ARID3C: variants seen among roughly 807,000 people sequenced by gnomAD.
ARID3C encodes the protein AT-rich interaction domain 3C, also known as AT-rich interactive domain-containing protein 3C.
Under a neutral mutation model 37.9 loss-of-function variants are expected in ARID3C, and 42 were observed. The observed-to-expected ratio is 1.11, with a 90% confidence interval of 0.87 to 1.43. The LOEUF (loss-of-function observed/expected upper bound fraction) is 1.43, where lower values mean the gene tolerates loss of function less well. ARID3C is among the 40% of genes most tolerant of loss of function. The pLI, the probability that ARID3C is intolerant of heterozygous loss-of-function variation, is 0.00. For missense variants in ARID3C, 581 were observed against 548.8 expected, an observed-to-expected ratio of 1.06 and a Z score of -0.59; for synonymous variants, 213 against 228.0, an observed-to-expected ratio of 0.93 and a Z score of 0.59.
At chr9:34,630,936 G>A (rs1377013006), upstream of ARID3C, among the ~76,000 whole-genome samples, 2 of 152,138 alleles carry the variant, frequency 1.3e-5, no homozygotes, top group African/African-American at 4.8e-5. Flanking sequence ...TTTGGTGTGA[G>A]TATCCTGGGG....
upstream of ARID3C, among the ~76,000 whole-genome samples, chr9:34,630,634 TTCTGACCATGGTGGG>T (rs1270926158): frequency 6.6e-5 from 10 of 152,204 alleles, no homozygotes; most frequent in Non-Finnish European, 1.3e-4. Context: ...CCACCGGCTC[TTCTGACCATGGTGGG>T]TCTGACCATG....
At chr9:34,629,266 C>T (rs138538596), upstream of ARID3C, among the ~76,000 whole-genome samples, 318 of 152,348 alleles carry the variant, frequency 2.1e-3, no homozygotes, top group Non-Finnish European at 3.6e-3. Flanking sequence ...CACCGGACTC[C>T]GGACCAGAGC....
exon 1 of ARID3C, chr9:34,627,828 G>A (rs375833800): frequency 7.8e-5 from 126 of 1,611,036 alleles, no homozygotes; most frequent in Admixed American, 4.0e-4. Flanking sequence ...GCTTCCTCCC[G>A]CTTCTCCTCA....
chr9:34,627,113 C>T (rs1365125896), intron 1 of ARID3C, among the ~76,000 whole-genome samples: 2 of 152,178 alleles, frequency 1.3e-5, no homozygotes, highest in African/African-American at 2.4e-5. Flanking sequence ...GAACTATCAT[C>T]CGTGGAACTC....
At chr9:34,627,583 C>T (rs1011607591) in intron 1 of ARID3C, 114 bp downstream of exon 2, 4 of 943,268 alleles carry the variant, frequency 4.2e-6, no homozygotes, top group Non-Finnish European at 6.4e-6. Context: ...CTCTGTGTCT[C>T]TTTTCATCTT....
intron 3 of ARID3C, 69 bp downstream of exon 4, chr9:34,623,795 G>GC: frequency 6.6e-7 from 1 of 1,504,682 alleles, no homozygotes; most frequent in Non-Finnish European, 8.9e-7. Context: ...CCCGCCCGGG[G>GC]ACCCTCCCCC....
upstream of ARID3C, among the ~76,000 whole-genome samples, chr9:34,628,288 C>T (rs977183111): frequency 2.0e-5 from 3 of 152,130 alleles, no homozygotes; most frequent in Admixed American, 2.0e-4. The surrounding 1 kb of genome is among the most constrained non-coding windows in gnomAD (Gnocchi z 5.2). Flanking sequence ...GTGAGCAGAT[C>T]AGAGAGGGTG....
chr9:34,621,497 G>C, exon 7 of ARID3C: 1 of 1,540,358 alleles, frequency 6.5e-7, no homozygotes, highest in South Asian at 1.3e-5. Context: ...TGGAGGGTGG[G>C]GGTGCAGGGT....
upstream of ARID3C, among the ~76,000 whole-genome samples, chr9:34,628,440 GAC>G (rs1820688265): frequency 6.6e-6 from 1 of 152,082 alleles, no homozygotes; most frequent in African/African-American, 2.4e-5. This position sits in a 1 kb window ranked among gnomAD's most constrained non-coding sequence, Gnocchi z 5.2. Flanking sequence ...GAAGTGGGGT[GAC>G]ACAGAGACTG....
intron 4 of ARID3C, 92 bp from the exon 6 acceptor site, chr9:34,622,621 A>G: frequency 7.7e-7 from 1 of 1,305,898 alleles, no homozygotes; most frequent in Non-Finnish European, 1.0e-6. Context: ...AGGTAACTCA[A>G]GCTCATGTAC....
chr9:34,628,699 G>A (rs1820691955), upstream of ARID3C, among the ~76,000 whole-genome samples: 1 of 152,160 alleles, frequency 6.6e-6, no homozygotes, highest in South Asian at 2.1e-4. The surrounding 1 kb of genome is among the most constrained non-coding windows in gnomAD (Gnocchi z 5.2). Context: ...ACGGACAGAA[G>A]AGAGAGATTA....
intron 6 of ARID3C, 127 bp downstream of exon 7, chr9:34,621,893 A>G (rs1820569158): frequency 1.0e-6 from 1 of 959,204 alleles, no homozygotes; most frequent in Non-Finnish European, 1.6e-6. Context: ...AATCCCCTGA[A>G]CTCCATGTTA....
At chr9:34,628,997 G>C (rs1055193213), upstream of ARID3C, among the ~76,000 whole-genome samples, 2 of 151,930 alleles carry the variant, frequency 1.3e-5, no homozygotes, top group Non-Finnish European at 2.9e-5. The surrounding 1 kb of genome is among the most constrained non-coding windows in gnomAD (Gnocchi z 5.2). Flanking sequence ...CCCTGGCCTC[G>C]GCTGGGTCCC....
chr9:34,628,092 G>C (rs773908960), upstream of ARID3C: 69 of 1,435,876 alleles, frequency 4.8e-5, no homozygotes, highest in Non-Finnish European at 6.0e-5. The surrounding 1 kb of genome is among the most constrained non-coding windows in gnomAD (Gnocchi z 5.2). Flanking sequence ...GCCGCCTGTG[G>C]GGGAGGGAAT....
At chr9:34,624,899 C>T (rs1820633739) in intron 2 of ARID3C, among the ~76,000 whole-genome samples, 1 of 152,156 alleles carries the variant, frequency 6.6e-6, no homozygotes, top group African/African-American at 2.4e-5. Context: ...GAGGGGAGGC[C>T]TCGAGGAAGG....
At chr9:34,631,942 G>A (rs1820726346), upstream of ARID3C, among the ~76,000 whole-genome samples, 1 of 152,210 alleles carries the variant, frequency 6.6e-6, no homozygotes. Flanking sequence ...TTGCTTGTAT[G>A]TCCTCTCAAC....
chr9:34,631,075 C>T (rs1820719317), upstream of ARID3C, among the ~76,000 whole-genome samples: 1 of 152,190 alleles, frequency 6.6e-6, no homozygotes, highest in Non-Finnish European at 1.5e-5. Context: ...TAGCAATCCA[C>T]AGAACCCTTG....
chr9:34,621,351 C>T (rs1820554463), downstream of ARID3C: 1 of 748,162 alleles, frequency 1.3e-6, no homozygotes, highest in Non-Finnish European at 2.0e-6. Context: ...AGGTGTCGTC[C>T]CCTCCCAGGG....
At chr9:34,628,868 G>T (rs1295385123), upstream of ARID3C, among the ~76,000 whole-genome samples, 1 of 152,144 alleles carries the variant, frequency 6.6e-6, no homozygotes, top group African/African-American at 2.4e-5. The surrounding 1 kb of genome is among the most constrained non-coding windows in gnomAD (Gnocchi z 5.2). Flanking sequence ...AGGCGGCAGA[G>T]TCGCGACGCC....
Sources: gnomAD v4.1 joint callset for allele counts (sites outside exome capture counted in the v4.1 genomes callset) on GRCh38, gnomAD v4.1.1 for gene constraint, Gnocchi (gnomAD v3.1) non-coding constraint, MANE v1.5 for transcripts, NCBI Gene and HGNC (gene_info 2026-07-23, HGNC 2026-07-21) for gene names.